CSMD1: variants seen among roughly 807,000 people sequenced by gnomAD.
CSMD1 encodes CUB and Sushi multiple domains 1, also known as CUB and sushi domain-containing protein 1.
A neutral mutation model predicts 417.5 loss-of-function variants in CSMD1; 213 were observed. The ratio of observed to expected loss-of-function variants is 0.51; its 90% CI spans 0.46 to 0.57. The LOEUF (loss-of-function observed/expected upper bound fraction) is 0.57. Among genes scored for constraint, CSMD1 ranks in the 20% least tolerant of loss-of-function variants. CSMD1 has a pLI of 0.00. For missense variants in CSMD1, 6,923 were observed against 4,529.7 expected, an observed-to-expected ratio of 1.53 and a Z score of -15.17; for synonymous variants, 2,862 against 1,736.8, an observed-to-expected ratio of 1.65 and a Z score of -16.11.
chr8:3,089,323 C>A (rs1024497295), intron 48 of CSMD1, among the ~76,000 whole-genome samples: 1 of 152,190 alleles, frequency 6.6e-6, no homozygotes, highest in Non-Finnish European at 1.5e-5. Context: ...TTCAACCCGC[C>A]CAATACAGAA....
chr8:3,923,714 C>G (rs1047842018), intron 5 of CSMD1, among the ~76,000 whole-genome samples: 6 of 152,094 alleles, frequency 3.9e-5, no homozygotes, highest in African/African-American at 1.2e-4. Flanking sequence ...ATCTCTAGTT[C>G]TTATGCTTCC....
intron 1 of CSMD1, among the ~76,000 whole-genome samples, chr8:4,783,304 C>T (rs932353400): frequency 6.6e-6 from 1 of 152,160 alleles, no homozygotes; most frequent in African/African-American, 2.4e-5. Flanking sequence ...CAAGGTAAAA[C>T]TGTCCTCCAG....
chr8:4,934,885 C>T (rs1343738009), intron 1 of CSMD1, among the ~76,000 whole-genome samples: 1 of 152,164 alleles, frequency 6.6e-6, no homozygotes, highest in Non-Finnish European at 1.5e-5. Flanking sequence ...TCATGTCTAT[C>T]TGTATCTATC....
intron 5 of CSMD1, among the ~76,000 whole-genome samples, chr8:3,777,008 C>G (rs977357039): frequency 1.3e-5 from 2 of 152,002 alleles, no homozygotes; most frequent in South Asian, 2.1e-4. Context: ...CCCCCCACAT[C>G]TGACCTTAAA....
At chr8:3,923,865 T>G (rs900507693) in intron 5 of CSMD1, among the ~76,000 whole-genome samples, 1 of 152,226 alleles carries the variant, frequency 6.6e-6, no homozygotes, top group Non-Finnish European at 1.5e-5. Flanking sequence ...TCATGCAGTA[T>G]TTGTCTTTCT....
chr8:4,983,850 A>G (rs1410096783), intron 1 of CSMD1, among the ~76,000 whole-genome samples: 1 of 152,204 alleles, frequency 6.6e-6, no homozygotes, highest in Non-Finnish European at 1.5e-5. Flanking sequence ...TGATAGAACT[A>G]GAAGTGGACT....
rs186569369 is a variant in CSMD1 at position 4,016,745 on chromosome 8, G to C, written c.610+15160C>G. Reference sequence around the variant, plus strand: ...GACCCTATAGCCAAACCACCCTCTTGGGTTAAGGGCTCTGTTGACCTAAGT... The same window carrying C: ...GACCCTATAGCCAAACCACCCTCTTCGGTTAAGGGCTCTGTTGACCTAAGT... On this transcript the variant is annotated intron_variant, in intron 4 of 69. Coordinates refer to ENST00000635120, the MANE Select transcript of CSMD1 (RefSeq NM_033225.6). Among the ~76,000 whole-genome samples the C allele has an allele frequency of 3.3e-5, 5 of 152,256 alleles. No individual in the cohort carries two copies. The East Asian group carries it at 7.7e-4, about 24-fold the overall frequency.
intron 2 of CSMD1, among the ~76,000 whole-genome samples, chr8:4,479,175 G>A (rs898719462): frequency 1.3e-5 from 2 of 152,226 alleles, no homozygotes; most frequent in African/African-American, 2.4e-5. Context: ...AAATAATAAT[G>A]GGTCCACAAC....
chr8:3,974,692 C>A (rs189918100), intron 5 of CSMD1, among the ~76,000 whole-genome samples: 2 of 150,672 alleles, frequency 1.3e-5, no homozygotes, highest in African/African-American at 4.9e-5. Context: ...TTTTACATAA[C>A]AGAATGAAAA....
intron 5 of CSMD1, among the ~76,000 whole-genome samples, chr8:3,817,924 C>G (rs1049386954): frequency 6.6e-6 from 1 of 152,168 alleles, no homozygotes; most frequent in Admixed American, 6.5e-5. Flanking sequence ...AACTACCAGA[C>G]AAAAACCTGG....
chr8:4,126,167 C>A (rs1308342547), intron 3 of CSMD1, among the ~76,000 whole-genome samples: 1 of 152,118 alleles, frequency 6.6e-6, no homozygotes, highest in Non-Finnish European at 1.5e-5. Flanking sequence ...TTCCCAAGCC[C>A]CCACCCACCA....
chr8:3,264,862 G>GC (rs1306171966), intron 26 of CSMD1, among the ~76,000 whole-genome samples: 11 of 133,398 alleles, frequency 8.2e-5, no homozygotes, highest in Non-Finnish European at 1.2e-4. Context: ...GGCTGTGTGT[G>GC]GGTGTGTGTG....
intron 3 of CSMD1, among the ~76,000 whole-genome samples, chr8:4,312,394 C>CGT (rs1563435122): frequency 2.5e-5 from 1 of 39,500 alleles, no homozygotes; most frequent in African/African-American, 4.8e-5. Context: ...TATATATATA[C>CGT]ATACATATAT....
intron 1 of CSMD1, among the ~76,000 whole-genome samples, chr8:4,967,190 TC>T (rs1192269873): frequency 6.6e-6 from 1 of 152,166 alleles, no homozygotes; most frequent in Non-Finnish European, 1.5e-5. Flanking sequence ...AGCTGTTACT[TC>T]TCATTTGTTT....
chr8:3,201,591 G>A (rs1796995897), intron 32 of CSMD1, 21 bp downstream of exon 32: 3 of 1,463,100 alleles, frequency 2.1e-6, no homozygotes, highest in Middle Eastern at 3.5e-4. Flanking sequence ...TAAATTAAGG[G>A]CAAAATTCTT....
rs568671116 is a variant in CSMD1 at position 3,052,403 on chromosome 8, G to C, written c.7660+59C>G. The C allele has an allele frequency of 2.1e-6, 3 of 1,405,616 alleles. No homozygotes were observed. The East Asian group carries it at 7.7e-5, about 36-fold the overall frequency. 87.1% of individuals were successfully genotyped at this position (1,405,616 alleles called of 1,614,324 possible). On this transcript the variant is annotated intron_variant, in intron 50 of 69. Coordinates refer to ENST00000635120, the MANE Select transcript of CSMD1 (RefSeq NM_033225.6). ...GAACGTGGGAACCCGGACTTCTCCC[G>C]AAAGCATTCAGTTCCCACCTAAACC...
chr8:4,353,559 A>T (rs1801221547), intron 3 of CSMD1, among the ~76,000 whole-genome samples: 1 of 152,046 alleles, frequency 6.6e-6, no homozygotes, highest in South Asian at 2.1e-4. Context: ...AATATACTAG[A>T]TCACGAATAA....
chr8:3,609,425 A>G (rs943306189), intron 8 of CSMD1, among the ~76,000 whole-genome samples: 2 of 152,204 alleles, frequency 1.3e-5, no homozygotes, highest in Non-Finnish European at 2.9e-5. Flanking sequence ...ACTGTCCCCA[A>G]ACTGACTTGA....
intron 5 of CSMD1, among the ~76,000 whole-genome samples, chr8:3,945,900 T>A (rs1811190119): frequency 6.6e-6 from 1 of 152,132 alleles, no homozygotes. Context: ...GTACTGACTA[T>A]TCACTCAAGA....
Sources: allele counts gnomAD v4.1 joint callset (sites outside exome capture counted in the v4.1 genomes callset), GRCh38; gene constraint gnomAD v4.1.1; transcripts MANE v1.5; gene names NCBI Gene and HGNC (gene_info 2026-07-23, HGNC 2026-07-21).